Variants in SHD observed in about 807,000 individuals in gnomAD.
SHD encodes SH2 domain-containing adapter protein D.
A neutral mutation model predicts 31.2 loss-of-function variants in SHD; 29 were observed. The observed-to-expected ratio is 0.93, with a 90% confidence interval of 0.69 to 1.27. The LOEUF (loss-of-function observed/expected upper bound fraction) is 1.27, where lower values mean the gene tolerates loss of function less well. Ranked by LOEUF, SHD falls within the 50% of genes most tolerant of loss-of-function variation. The pLI, the probability that SHD is intolerant of heterozygous loss-of-function variation, is 0.00. For missense variants in SHD, 520 were observed against 453.8 expected (o/e 1.15, Z -1.33); for synonymous variants, 208 against 187.8 (o/e 1.11, Z -0.88).
At position 4,279,880 on chromosome 19, in the gene SHD, C is replaced by G. The variant is rs1040661927; in HGVS notation, c.-184C>G. On this transcript the variant is annotated 5_prime_UTR_variant, in exon 1 of 6. Transcript: ENST00000543264. This position sits in a 1 kb window ranked among gnomAD's most constrained non-coding sequence, Gnocchi z 7.5. ...CCTCTGTCGCCTCCTTTTCCTCCCC[C>G]TCGTTCACCTTTTCCTTCCCTCTAT... is the stretch of plus-strand genomic sequence containing the variant. The G allele has an allele frequency of 2.1e-5, 15 of 698,658 alleles. No homozygotes were observed. The African/African-American group carries it at 2.5e-4, about 12-fold the overall frequency. The allele number at this position is 698,658 out of a possible 1,614,324, so 43.3% of individuals were successfully genotyped here.
intron 4 of SHD, among the ~76,000 whole-genome samples, chr19:4,286,766 G>A (rs377433917): frequency 2.0e-5 from 3 of 152,160 alleles, no homozygotes; most frequent in East Asian, 3.9e-4. Flanking sequence ...TGTAATCCCA[G>A]CTACTCGGGA....
intron 5 of SHD, among the ~76,000 whole-genome samples, chr19:4,289,610 G>T (rs1213286681): frequency 6.7e-6 from 1 of 150,032 alleles, no homozygotes; most frequent in Non-Finnish European, 1.5e-5. Context: ...TCGCTCTGTC[G>T]CCTAGGCTGG....
intron 5 of SHD, 99 bp from the exon 6 acceptor site, chr19:4,290,348 G>A (rs777989017): frequency 5.8e-5 from 76 of 1,310,042 alleles, no homozygotes; most frequent in East Asian, 2.8e-4. Context: ...GGAGACACAC[G>A]AGCACCTGGC....
intron 1 of SHD, 100 bp downstream of exon 1, chr19:4,280,460 G>C: frequency 7.5e-7 from 1 of 1,334,500 alleles, no homozygotes; most frequent in Non-Finnish European, 1.0e-6. Context: ...CACAGGAGGG[G>C]ACTGGGGCAC....
chr19:4,281,597 A>C (rs1971257511), intron 1 of SHD, among the ~76,000 whole-genome samples: 1 of 152,174 alleles, frequency 6.6e-6, no homozygotes, highest in African/African-American at 2.4e-5. Context: ...ATCTCTACCA[A>C]AAATGCAAAA....
chr19:4,289,005 G>A (rs1324056882), intron 5 of SHD, among the ~76,000 whole-genome samples: 1 of 151,776 alleles, frequency 6.6e-6, no homozygotes, highest in African/African-American at 2.4e-5. Flanking sequence ...GCATAGTGGT[G>A]CATACCTGTA....
At chr19:4,286,737 G>A (rs1453737945) in intron 4 of SHD, among the ~76,000 whole-genome samples, 1 of 151,256 alleles carries the variant, frequency 6.6e-6, no homozygotes, top group Non-Finnish European at 1.5e-5. Flanking sequence ...ATCATTAGCC[G>A]GACATGGTGG....
intron 4 of SHD, 138 bp downstream of exon 4, chr19:4,285,042 C>A: frequency 9.0e-7 from 1 of 1,109,252 alleles, no homozygotes; most frequent in Non-Finnish European, 1.2e-6. Flanking sequence ...ATTTCTTCAG[C>A]TAATCTTTAC....
intron 4 of SHD, among the ~76,000 whole-genome samples, chr19:4,286,368 AC>A (rs1971318873): frequency 7.6e-6 from 1 of 130,776 alleles, no homozygotes; most frequent in Admixed American, 8.4e-5. Flanking sequence ...TTCTTTTGAG[AC>A]AGGGTCTCAC....
In SHD at chr19:4,280,045, T is replaced by A; in HGVS notation, c.-19T>A. The stretch of plus-strand genomic sequence containing the variant: ...GGGGCCCCTCTGACAGTGGCCCGAT[T>A]GGGGTGACAGGCGCCCAAATGGCCA... On this transcript the variant is annotated 5_prime_UTR_variant, in exon 1 of 6. Transcript: ENST00000543264. The A allele has an allele frequency of 4.4e-6, 7 of 1,578,226 alleles. No individual in the cohort carries two copies. The highest frequency in any genetic ancestry group is 5.2e-6 in the Non-Finnish European group (6 of 1,163,704).
In SHD at chr19:4,280,369, C is replaced by A. The variant is rs779873306; in HGVS notation, c.297+9C>A. The A allele has an allele frequency of 5.3e-5, 82 of 1,550,742 alleles. No homozygotes were observed. Among genetic ancestry groups the A allele is most frequent in the Non-Finnish European group, 7.8e-6 (9 of 1,146,816 alleles). On this transcript the variant is annotated intron_variant, in intron 1 of 5. Transcript: ENST00000543264. ...GCGGCCCCGGGGAGGAGGTGCGTGG[C>A]TGGGTGGCCTGGGGAGACTGGGTGG...
rs564528250 is a variant in SHD at position 4,285,053 on chromosome 19, G to T, written c.716+149G>T. On this transcript the variant is annotated intron_variant, in intron 4 of 5. Coordinates refer to ENST00000543264, the MANE Select transcript of SHD (RefSeq NM_020209.4). ...ACTTATTTCTTCAGCTAATCTTTAC[G>T]GGCTCCAGAGCCTGCTGCGTGCCAG... The T allele has an allele frequency of 3.2e-4, 331 of 1,023,318 alleles. 1 individual carries two copies. Among genetic ancestry groups the T allele is most frequent in the Middle Eastern group, 2.3e-3 (9 of 3,876 alleles). 63.4% of individuals were successfully genotyped at this position (1,023,318 alleles called of 1,614,324 possible).
In SHD at chr19:4,283,087, C is replaced by T; in HGVS notation, c.437C>T (p.Thr146Ile). ...GGCAGAGGGGTGCAGCTCTATGACA[C>T]CCCTTATGAGGAACAGGACCCAGAG... The part of the protein sequence containing the change: ...LPGRGVQLYD[T>I]PYEEQDPETA... The change falls in exon 3 of 6, where the codon ACC becomes ATC. Residue 146 changes from threonine (T) to isoleucine (I), a missense_variant. By Grantham distance (89) the Thr-to-Ile change is moderately conservative (BLOSUM62 -1). Transcript: ENST00000543264. 1 of 1,614,058 alleles carries T rather than the reference C, an allele frequency of 6.2e-7. No homozygotes were observed. Among genetic ancestry groups the T allele is most frequent in the African/African-American group, 1.3e-5 (1 of 75,030 alleles).
At chr19:4,285,008 G>A (rs1218360627) in intron 4 of SHD, 104 bp downstream of exon 4, 3 of 1,286,066 alleles carry the variant, frequency 2.3e-6, no homozygotes, top group Middle Eastern at 2.0e-4. Context: ...GGAACTGGGG[G>A]AACTTCGATT....
chr19:4,287,060 G>T (rs994563859), intron 4 of SHD, among the ~76,000 whole-genome samples: 22 of 149,762 alleles, frequency 1.5e-4, no homozygotes, highest in African/African-American at 5.2e-4. Flanking sequence ...GCAGCCGGGC[G>T]CAGTGGCTCA....
In SHD at chr19:4,290,587, C is replaced by G. The variant is rs1330625737; in HGVS notation, c.977C>G (p.Ala326Gly). ...TCACGCCCACTGCCGGTGCAGGGTG[C>G]CGAGCATCTGGCTCTGCTGTACCCC... The part of the protein sequence containing the change: ...YSSRPLPVQG[A>G]EHLALLYPVV... The change falls in exon 6 of 6, where the codon GCC (alanine) becomes GGC (glycine). Residue 326 changes from alanine to glycine, a missense_variant. Transcript: ENST00000543264. The G allele has an allele frequency of 3.7e-6, 6 of 1,613,242 alleles. No homozygotes were observed. Among genetic ancestry groups the G allele is most frequent in the Non-Finnish European group, 2.5e-6 (3 of 1,179,822 alleles).
chr19:4,283,657 C>T (rs925777636), intron 3 of SHD, among the ~76,000 whole-genome samples: 2 of 151,996 alleles, frequency 1.3e-5, no homozygotes, highest in African/African-American at 4.8e-5. Context: ...CGGCTCACTG[C>T]AAGCTTCGCC....
chr19:4,286,227 TTTCTTTTCTTTCTTTC>T (rs1478346065), intron 4 of SHD, among the ~76,000 whole-genome samples: 1 of 73,046 alleles, frequency 1.4e-5, no homozygotes, highest in Middle Eastern at 5.2e-3. Context: ...TCTTTCTTTC[TTTCTTTTCTTTCTTTC>T]TTTCTTTCTT....
At chr19:4,281,496 A>G (rs1344274585) in intron 1 of SHD, among the ~76,000 whole-genome samples, 1 of 141,144 alleles carries the variant, frequency 7.1e-6, no homozygotes, top group African/African-American at 2.7e-5. Flanking sequence ...GGTGGTTCAC[A>G]CCTGTAATCC....
Sources: allele counts gnomAD v4.1 joint callset (sites outside exome capture counted in the v4.1 genomes callset), GRCh38; gene constraint gnomAD v4.1.1; non-coding constraint Gnocchi (gnomAD v3.1); transcripts MANE v1.5; gene names NCBI Gene and HGNC (gene_info 2026-07-23, HGNC 2026-07-21).